Variants in CCAR1 observed in about 807,000 individuals in gnomAD.
CCAR1 encodes cell division cycle and apoptosis regulator protein 1.
Under a neutral mutation model 163.8 loss-of-function variants are expected in CCAR1, and 78 were observed. The observed-to-expected ratio is 0.48, with a 90% CI of 0.40 to 0.57. The LOEUF is 0.57. Among genes scored for constraint, CCAR1 ranks in the 20% least tolerant of loss-of-function variants. The probability of loss-of-function intolerance (pLI) is 0.00; values close to 1 mark genes in which losing one functional copy is unlikely to be tolerated. For synonymous variants in CCAR1, 443 were observed against 460.7 expected (o/e 0.96, Z 0.49); for missense variants, 1,019 against 1,365.2 (o/e 0.75, Z 4.00).
At chr10:68,785,416 T>G (rs1246795492) in intron 19 of CCAR1, among the ~76,000 whole-genome samples, 1 of 150,802 alleles carries the variant, frequency 6.6e-6, no homozygotes, top group Non-Finnish European at 1.5e-5. Context: ...GAGATGGAGT[T>G]TTGCCATGTT....
intron 17 of CCAR1, among the ~76,000 whole-genome samples, chr10:68,766,562 T>G (rs566808796): frequency 2.0e-5 from 3 of 151,282 alleles, no homozygotes; most frequent in African/African-American, 4.9e-5. Flanking sequence ...AGTTCACTCT[T>G]ATTGTCCAGG....
intron 2 of CCAR1, 87 bp from the exon 3 acceptor site, chr10:68,736,789 C>T (rs934666345): frequency 2.5e-5 from 28 of 1,115,482 alleles, no homozygotes; most frequent in Middle Eastern, 2.5e-4. Flanking sequence ...CATGGGGGTG[C>T]GGGTATCTCT....
At position 68,741,161 on chromosome 10, in the gene CCAR1, A is replaced by C. The variant is rs538762362; in HGVS notation, c.324+500A>C. Among the ~76,000 whole-genome samples the C allele has an allele frequency of 5.9e-5, 9 of 151,972 alleles. No homozygotes were observed. In the East Asian group the frequency reaches 1.5e-3, roughly 26 times the overall value. ...CTAAGGTCCAGACCTTAGGTGATCT[A>C]CCTGCCTTGGCCTCCCAAAGTGCTG... On this transcript the variant is annotated intron_variant, in intron 5 of 24. Coordinates refer to ENST00000265872, the MANE Select transcript of CCAR1 (RefSeq NM_018237.4).
chr10:68,732,373 A>T (rs574753511), intron 2 of CCAR1, among the ~76,000 whole-genome samples: 1 of 151,590 alleles, frequency 6.6e-6, no homozygotes, highest in African/African-American at 2.4e-5. Context: ...TGTTTGAGAC[A>T]GAGTCTTGCT....
intron 24 of CCAR1, among the ~76,000 whole-genome samples, chr10:68,790,734 C>T (rs890178058): frequency 2.6e-5 from 4 of 151,768 alleles, no homozygotes; most frequent in African/African-American, 7.3e-5. Flanking sequence ...TCAGACCGGG[C>T]GCGGTGGCTC....
At chr10:68,755,278 T>C (rs765972450) in intron 12 of CCAR1, 92 bp from the exon 13 acceptor site, 7 of 1,127,778 alleles carry the variant, frequency 6.2e-6, no homozygotes, top group East Asian at 4.7e-5. Flanking sequence ...AAAAATGATA[T>C]TGGAAAGGTT....
chr10:68,768,004 A>G (rs2056556443), intron 17 of CCAR1, among the ~76,000 whole-genome samples: 1 of 152,160 alleles, frequency 6.6e-6, no homozygotes, highest in Non-Finnish European at 1.5e-5. Flanking sequence ...TACTGTGTTT[A>G]ATTATTGTAT....
intron 10 of CCAR1, 74 bp downstream of exon 10, chr10:68,749,759 A>C: frequency 7.7e-7 from 1 of 1,303,920 alleles, no homozygotes; most frequent in Non-Finnish European, 1.1e-6. Context: ...TCACAGAGGT[A>C]TTTTTCTTGC....
At chr10:68,727,148 ATC>A (rs1009559639) in intron 2 of CCAR1, among the ~76,000 whole-genome samples, 4 of 148,692 alleles carry the variant, frequency 2.7e-5, no homozygotes, top group Non-Finnish European at 5.9e-5. Flanking sequence ...GCTCACTGCA[ATC>A]TCTGCCTCCC....
At chr10:68,741,506 C>T (rs2056183856) in intron 5 of CCAR1, among the ~76,000 whole-genome samples, 1 of 152,138 alleles carries the variant, frequency 6.6e-6, no homozygotes, top group Admixed American at 6.5e-5. Flanking sequence ...TAAAAAGAGC[C>T]TATAGGCTGT....
intron 16 of CCAR1, among the ~76,000 whole-genome samples, chr10:68,762,476 A>G (rs1472173847): frequency 6.6e-6 from 1 of 152,200 alleles, no homozygotes; most frequent in Non-Finnish European, 1.5e-5. Context: ...GACTCAGACT[A>G]TTTATTCAAG....
rs921688459 is a variant in CCAR1 at position 68,756,340 on chromosome 10, C to T, written c.1693C>T (p.His565Tyr). 2.5e-6 allele frequency: 4 copies of T among 1,613,970 alleles called. No individual in the cohort carries two copies. Among genetic ancestry groups the T allele is most frequent in the East Asian group, 2.2e-5 (1 of 44,888 alleles). ...ETHKGRTVPA[H>Y]VETVVLFFPD... ...CCACAAGGGGCGTACAGTTCCAGCT[C>T]ATGTGGAGACAGTGGTTTTATTTTT... Residue 565 changes from histidine to tyrosine, a missense_variant, in exon 14 of 25, where the codon CAT becomes TAT. By Grantham distance (83) the His-to-Tyr change is moderately conservative (BLOSUM62 2). This residue lies in a region of CCAR1 where 644 missense variants were observed against 904.4 expected (regional missense o/e 0.71). Coordinates refer to ENST00000265872, the MANE Select transcript of CCAR1 (RefSeq NM_018237.4). This position sits in a 1 kb window ranked among gnomAD's most constrained non-coding sequence, Gnocchi z 5.1.
chr10:68,740,993 A>G lies in CCAR1; in HGVS notation c.324+332A>G, dbSNP rs547771307. On this transcript the variant is annotated intron_variant, in intron 5 of 24. Coordinates refer to ENST00000265872, the MANE Select transcript of CCAR1 (RefSeq NM_018237.4). ...CAATGGCGCAGTCTCGGCTCACTGC[A>G]ATCTCTGCCTCCTGGGTTCAAGCGA... 5.9e-5 allele frequency among the ~76,000 whole-genome samples: 9 copies of G among 151,758 alleles called. 1 individual carries two copies. The highest frequency in any genetic ancestry group is 1.9e-4 in the African/African-American group (8 of 41,354).
chr10:68,787,932 G>T lies in CCAR1; in HGVS notation c.2886G>T (p.Lys962Asn), dbSNP rs1262063302. 1 of 1,603,574 alleles carries T rather than the reference G, an allele frequency of 6.2e-7. No homozygotes were observed. Among genetic ancestry groups the T allele is most frequent in the South Asian group, 1.1e-5 (1 of 88,168 alleles). Residue 962 changes from lysine to asparagine, a missense_variant, in exon 22 of 25, where the codon AAG becomes AAT. By Grantham distance (94) the Lys-to-Asn change is moderately conservative. This residue lies in a region of CCAR1 where 358 missense variants were observed against 406.4 expected (regional missense o/e 0.88). Transcript: ENST00000265872. ...LGLHLSRAQV[K>N]KLLNKVVLRE... The stretch of plus-strand genomic sequence containing the variant: ...TTTACTTGCATGCATAACAGGTAAA[G>T]AAGCTTCTTAATAAAGTAGTGCTCC...
intron 12 of CCAR1, 119 bp from the exon 13 acceptor site, chr10:68,755,251 C>T: frequency 1.1e-6 from 1 of 907,042 alleles, no homozygotes; most frequent in Non-Finnish European, 1.9e-6. Context: ...CCTTGACTGA[C>T]AGATACCAGA....
Position 68,740,725 on chromosome 10 carries a change from G to C in CCAR1, c.324+64G>C, listed in dbSNP as rs1214460894. 2.4e-6 allele frequency: 3 copies of C among 1,273,460 alleles called. No individual in the cohort carries two copies. In the East Asian group the frequency reaches 7.1e-5, roughly 30 times the overall value. The allele number at this position is 1,273,460 out of a possible 1,614,324, so 78.9% of individuals were successfully genotyped here. ...TGAACAGTAGACTAAAGCTTTATTA[G>C]TATTCTACTTTTTCTTTCAGGGTTT... On this transcript the variant is annotated intron_variant, in intron 5 of 24. Coordinates refer to ENST00000265872, the MANE Select transcript of CCAR1 (RefSeq NM_018237.4).
At position 68,771,426 on chromosome 10, in the gene CCAR1, A is replaced by G; in HGVS notation, c.2519A>G (p.Glu840Gly). The G allele has an allele frequency of 6.3e-7, 1 of 1,583,354 alleles. No individual in the cohort carries two copies. The highest frequency in any genetic ancestry group is 1.2e-5 in the South Asian group (1 of 84,050). Residue 840 changes from glutamate (E) to glycine (G), a missense_variant, in exon 18 of 25, where the codon GAA (glutamate) becomes GGA (glycine). Glu to Gly is a moderately conservative substitution (Grantham distance 98). Coordinates refer to ENST00000265872, the MANE Select transcript of CCAR1 (RefSeq NM_018237.4). ...TCAGGCGATGATAAAGATAAAAAAGAAGATAGAGATGAAAGGAAGGTCTGT... is the reference window on the plus strand; with the variant it reads ...TCAGGCGATGATAAAGATAAAAAAGGAGATAGAGATGAAAGGAAGGTCTGT... ...RKSGDDKDKK[E>G]DRDERKKEDK...
At position 68,771,374 on chromosome 10, in the gene CCAR1, G is replaced by T; in HGVS notation, c.2467G>T (p.Asp823Tyr). The T allele has an allele frequency of 6.3e-7, 1 of 1,598,222 alleles. No individual in the cohort carries two copies. Among genetic ancestry groups the T allele is most frequent in the South Asian group, 1.1e-5 (1 of 88,238 alleles). ...DKKEERDDETDEPKPKRRKSG... is the reference protein window; with the variant it reads ...DKKEERDDETYEPKPKRRKSG... ...AAAAGAAGAAAGAGATGATGAAACTGATGAACCAAAACCCAAACGGAGAAA... is the reference window on the plus strand; with the variant it reads ...AAAAGAAGAAAGAGATGATGAAACTTATGAACCAAAACCCAAACGGAGAAA... The change falls in exon 18 of 25, where the codon GAT (aspartate) becomes TAT (tyrosine). Residue 823 changes from aspartate (D) to tyrosine (Y), a missense_variant. By Grantham distance (160) the Asp-to-Tyr change is radical. Transcript: ENST00000265872.
rs1396124570 is a variant in CCAR1, at chr10:68,756,633, G to T, written c.1836+150G>T. On this transcript the variant is annotated intron_variant, in intron 14 of 24. Transcript: ENST00000265872. This position sits in a 1 kb window ranked among gnomAD's most constrained non-coding sequence, Gnocchi z 5.1. ...TAATCCAGCTTTCAGCAGTATAGTT[G>T]TATGTTCTTTTCTCTTAAAATTTCT... 5.5e-6 allele frequency: 4 copies of T among 727,746 alleles called. No homozygotes were observed. Among genetic ancestry groups the T allele is most frequent in the South Asian group, 1.5e-5 (1 of 67,226 alleles). The allele number at this position is 727,746 out of a possible 1,614,324, so 45.1% of individuals were successfully genotyped here.
Sources: gnomAD v4.1 joint callset for allele counts (sites outside exome capture counted in the v4.1 genomes callset) on GRCh38, gnomAD v4.1.1 for gene constraint, gnomAD v4.1.1 regional missense constraint, Gnocchi (gnomAD v3.1) non-coding constraint, MANE v1.5 for transcripts, NCBI Gene and HGNC (gene_info 2026-07-23, HGNC 2026-07-21) for gene names.